FAM13B: variants seen among roughly 807,000 people sequenced by gnomAD.
FAM13B encodes family with sequence similarity 13 member B, also known as protein FAM13B.
In FAM13B, 60 loss-of-function variants were observed where a neutral mutation model predicts 117.3. The ratio of observed to expected loss-of-function variants is 0.51; its 90% confidence interval spans 0.42 to 0.63. The LOEUF is 0.63. FAM13B is among the 30% of genes least tolerant of loss of function. The pLI is 0.00. For missense variants in FAM13B, 972 were observed against 1,091.9 expected (o/e 0.89, Z 1.55); for synonymous variants, 332 against 356.1 (o/e 0.93, Z 0.76).
chr5:137,969,018 C>T (rs1166466630), intron 10 of FAM13B, among the ~76,000 whole-genome samples: 4 of 152,226 alleles, frequency 2.6e-5, no homozygotes, highest in African/African-American at 9.6e-5. Flanking sequence ...TGCAAGGCGG[C>T]AGCGAGGCTG....
intron 7 of FAM13B, among the ~76,000 whole-genome samples, chr5:138,001,715 G>GGA (rs1300276665): frequency 2.0e-5 from 3 of 152,126 alleles, no homozygotes; most frequent in Non-Finnish European, 4.4e-5. Context: ...ACAGGGTAAG[G>GGA]GAGATCAAGA....
chr5:138,010,416 G>C (rs1477640362), intron 6 of FAM13B, among the ~76,000 whole-genome samples: 1 of 152,078 alleles, frequency 6.6e-6, no homozygotes, highest in Non-Finnish European at 1.5e-5. Context: ...GACCAACCTG[G>C]GCGACATAAG....
chr5:138,007,974 A>C (rs1383468979), intron 6 of FAM13B, among the ~76,000 whole-genome samples: 1 of 152,234 alleles, frequency 6.6e-6, no homozygotes, highest in African/African-American at 2.4e-5. Context: ...CAATAGAAAT[A>C]TCTAGAATAA....
At chr5:138,018,007 T>C (rs1377788048) in intron 4 of FAM13B, among the ~76,000 whole-genome samples, 3 of 152,178 alleles carry the variant, frequency 2.0e-5, no homozygotes, top group Non-Finnish European at 1.5e-5. Flanking sequence ...TACATAAATT[T>C]CTCTTCTTTC....
At chr5:137,990,818 T>C (rs1373941213) in intron 7 of FAM13B, among the ~76,000 whole-genome samples, 1 of 152,016 alleles carries the variant, frequency 6.6e-6, no homozygotes, top group African/African-American at 2.4e-5. Flanking sequence ...AGGATTAAAA[T>C]AAAATTTATA....
chr5:138,004,102 C>G (rs1432063489), intron 7 of FAM13B, among the ~76,000 whole-genome samples: 2 of 152,044 alleles, frequency 1.3e-5, no homozygotes, highest in East Asian at 3.9e-4. Flanking sequence ...AATCCCGTCT[C>G]TACTAAAAAT....
At chr5:137,951,236 A>AAAAAAG (rs1764931258) in intron 17 of FAM13B, among the ~76,000 whole-genome samples, 27 of 133,278 alleles carry the variant, frequency 2.0e-4, no homozygotes, top group African/African-American at 4.4e-4. Flanking sequence ...AAAAAAAAGG[A>AAAAAAG]GAGAGAGAGA....
chr5:137,959,759 G>A lies in FAM13B; in HGVS notation c.1298C>T (p.Ser433Phe). 1 of 1,613,234 alleles carries A rather than the reference G, an allele frequency of 6.2e-7. No individual in the cohort carries two copies. Among genetic ancestry groups the A allele is most frequent in the Admixed American group, 1.7e-5 (1 of 59,924 alleles). ...ATTCAAATCACATATCTTGCTACTA[G>A]AATCCTGTATTTTAAAATAAAGAAT... ...SDKLSHLILD[S>F]SSKICDLNAN... Residue 433 changes from serine (S) to phenylalanine (F), a missense_variant, in exon 13 of 24, where the codon TCT becomes TTT. Transcript: ENST00000689681.
intron 18 of FAM13B, among the ~76,000 whole-genome samples, chr5:137,948,180 CA>C (rs59680291): frequency 0.84 from 120,561 of 142,708 alleles, 50,640 homozygotes; most frequent in Middle Eastern, 0.93. Context: ...AATGGCTCTT[CA>C]AAAAAAAAAA....
At chr5:138,005,640 C>T (rs1274293725) in intron 7 of FAM13B, among the ~76,000 whole-genome samples, 3 of 151,658 alleles carry the variant, frequency 2.0e-5, no homozygotes, top group African/African-American at 7.3e-5. Flanking sequence ...CATGTAAACA[C>T]ACATAAAAGC....
At chr5:137,950,387 T>C (rs1561737376) in intron 17 of FAM13B, among the ~76,000 whole-genome samples, 1 of 152,040 alleles carries the variant, frequency 6.6e-6, no homozygotes, top group Non-Finnish European at 1.5e-5. Context: ...GTCCTAAAGC[T>C]TGGCAAGTTT....
chr5:137,944,104 A>G lies in FAM13B; in HGVS notation c.2341-888T>C, dbSNP rs533226902. Among the ~76,000 whole-genome samples, 5 of 152,192 alleles carry G rather than the reference A, an allele frequency of 3.3e-5. No homozygotes were observed. In the South Asian group the frequency reaches 8.3e-4, roughly 25 times the overall value. On this transcript the variant is annotated intron_variant, in intron 20 of 23. Transcript: ENST00000689681. The stretch of plus-strand genomic sequence containing the variant: ...CTTGCCTATTCTAAATATTTCATAC[A>G]AATGGGATCATATAATATGTGCCCC...
At chr5:138,006,883 T>C (rs1782692548) in intron 7 of FAM13B, 107 bp downstream of exon 7, 1 of 1,131,736 alleles carries the variant, frequency 8.8e-7, no homozygotes, top group East Asian at 2.6e-5. Flanking sequence ...CACACACAAA[T>C]GCCAAACTTT....
intron 1 of FAM13B, among the ~76,000 whole-genome samples, chr5:138,021,988 C>T (rs1008021023): frequency 2.0e-5 from 3 of 151,962 alleles, no homozygotes; most frequent in Admixed American, 1.3e-4. Context: ...TATAGTAGTG[C>T]CTGTAGTCCC....
In FAM13B at chr5:138,011,096, A is replaced by G; in HGVS notation, c.602T>C (p.Met201Thr). The G allele has an allele frequency of 1.2e-6, 2 of 1,608,906 alleles. No homozygotes were observed. The stretch of plus-strand genomic sequence containing the variant: ...ATAGTAGTTTTCCAGAAGTCCAGCC[A>G]TTATCCTGCTCACTATTTCTTGCTC... Reference protein sequence around the residue: ...MKEQEIVSRIMAGLLENYYEF... With the variant: ...MKEQEIVSRITAGLLENYYEF... Residue 201 changes from methionine (M) to threonine (T), a missense_variant, in exon 6 of 24, where the codon ATG (methionine) becomes ACG (threonine). By Grantham distance (81) the Met-to-Thr change is moderately conservative. Coordinates refer to ENST00000689681, the MANE Select transcript of FAM13B (RefSeq NM_001385994.1).
At chr5:137,947,588 T>C (rs1763781056) in intron 18 of FAM13B, among the ~76,000 whole-genome samples, 1 of 145,906 alleles carries the variant, frequency 6.9e-6, no homozygotes, top group Non-Finnish European at 1.5e-5. Context: ...AAAAAATTTC[T>C]TTTTTTTTTT....
rs887795951 is a variant in FAM13B at position 137,955,851 on chromosome 5, C to T, written c.1507+626G>A. Among the ~76,000 whole-genome samples the T allele has an allele frequency of 2.6e-4, 40 of 152,200 alleles. 1 individual carries two copies. Among genetic ancestry groups the T allele is most frequent in the Middle Eastern group, 6.8e-3 (2 of 294 alleles). The stretch of plus-strand genomic sequence containing the variant: ...TTCACCATGTTGGCCAGGCTGGTTA[C>T]GAACTCCTGACCTCAAGTGATCCGC... On this transcript the variant is annotated intron_variant, in intron 14 of 23. Coordinates refer to ENST00000689681, the MANE Select transcript of FAM13B (RefSeq NM_001385994.1).
chr5:137,993,038 G>A (rs1453214197), intron 7 of FAM13B, among the ~76,000 whole-genome samples: 2 of 152,144 alleles, frequency 1.3e-5, no homozygotes. Flanking sequence ...CAGCAGCATG[G>A]ATAAATCTCA....
intron 1 of FAM13B, among the ~76,000 whole-genome samples, chr5:138,043,933 A>G (rs1352921910): frequency 6.6e-6 from 1 of 151,756 alleles, no homozygotes; most frequent in African/African-American, 2.4e-5. Context: ...TGGTATTTTT[A>G]TTAGAGAAAG....
Sources: gnomAD v4.1 joint callset for allele counts (sites outside exome capture counted in the v4.1 genomes callset) on GRCh38, gnomAD v4.1.1 for gene constraint, MANE v1.5 for transcripts, NCBI Gene and HGNC (gene_info 2026-07-23, HGNC 2026-07-21) for gene names.